TSNARE1: variants seen among roughly 807,000 people sequenced by gnomAD.
The protein encoded by TSNARE1 is t-SNARE domain containing 1, also known as t-SNARE domain-containing protein 1.
TSNARE1 carries 49 observed loss-of-function variants against 62.0 expected under a neutral mutation model. That is an observed-to-expected ratio of 0.79 (90% CI 0.63 to 1.00). The LOEUF is 1.00. Ranked by LOEUF, TSNARE1 falls within the 50% of genes least tolerant of loss-of-function variation. The probability of loss-of-function intolerance (pLI) is 0.00; values close to 1 mark genes in which losing one functional copy is unlikely to be tolerated. For synonymous variants in TSNARE1, 328 were observed against 294.4 expected (o/e 1.11, Z -1.17); for missense variants, 755 against 700.1 (o/e 1.08, Z -0.88).
intron 4 of TSNARE1, among the ~76,000 whole-genome samples, 164 bp from the exon 5 acceptor site, chr8:142,331,995 G>C (rs142620268): frequency 6.6e-6 from 1 of 152,346 alleles, no homozygotes; most frequent in East Asian, 1.9e-4. Flanking sequence ...CCTGGAGTCA[G>C]TGCTGGACAC....
intron 1 of TSNARE1, chr8:142,365,965 T>A: frequency 2.3e-6 from 1 of 443,774 alleles, no homozygotes; most frequent in Non-Finnish European, 4.5e-6. Flanking sequence ...CTGATGGTTT[T>A]GTAGAGGAAT....
chr8:142,379,197 T>C (rs1323480841), intron 1 of TSNARE1, among the ~76,000 whole-genome samples: 2 of 152,162 alleles, frequency 1.3e-5, no homozygotes, highest in Non-Finnish European at 2.9e-5. Flanking sequence ...TCCTCATCTG[T>C]ATAGTGGGCA....
intron 12 of TSNARE1, among the ~76,000 whole-genome samples, chr8:142,255,686 TCACCATCACCAC>T (rs1818437247): frequency 4.9e-5 from 1 of 20,236 alleles, no homozygotes; most frequent in African/African-American, 1.3e-4. Context: ...ACCACCACCA[TCACCATCACCAC>T]CACCATCACC....
chr8:142,353,416 G>C (rs192717839), intron 2 of TSNARE1, among the ~76,000 whole-genome samples: 1 of 152,162 alleles, frequency 6.6e-6, no homozygotes, highest in Non-Finnish European at 1.5e-5. Context: ...AGGCCAGCCC[G>C]GCACTCCCAG....
At chr8:142,271,571 G>T (rs1819551919) in intron 12 of TSNARE1, 1 of 1,410,874 alleles carries the variant, frequency 7.1e-7, no homozygotes. Flanking sequence ...TGGGGAGGGT[G>T]AGGAGGTGGG....
At chr8:142,269,777 C>T (rs1819362370) in intron 12 of TSNARE1, 3 of 985,212 alleles carry the variant, frequency 3.0e-6, no homozygotes, top group Non-Finnish European at 2.4e-6. Context: ...CCGCCCAGAA[C>T]CAACAGCAGC....
At chr8:142,271,719 G>T in intron 12 of TSNARE1, 2 of 1,342,224 alleles carry the variant, frequency 1.5e-6, no homozygotes, top group Non-Finnish European at 1.9e-6. Context: ...GAAAATGTCA[G>T]CCTGCACACC....
intron 12 of TSNARE1, among the ~76,000 whole-genome samples, chr8:142,262,281 G>C (rs1818935022): frequency 1.3e-5 from 2 of 152,040 alleles, no homozygotes; most frequent in Admixed American, 6.6e-5. Flanking sequence ...CTATAGATTT[G>C]GGAATTGGCA....
At chr8:142,271,582 T>TGC in intron 12 of TSNARE1, 1 of 1,418,456 alleles carries the variant, frequency 7.0e-7, no homozygotes, top group Non-Finnish European at 9.2e-7. Context: ...AGGAGGTGGG[T>TGC]GCGTGGAAGA....
At chr8:142,338,227 C>T (rs937035956) in intron 4 of TSNARE1, among the ~76,000 whole-genome samples, 2 of 152,260 alleles carry the variant, frequency 1.3e-5, no homozygotes, top group Non-Finnish European at 2.9e-5. Flanking sequence ...GCTGCGTCCC[C>T]CCACGTCTCA....
At chr8:142,250,278 G>A (rs1481680996) in intron 12 of TSNARE1, among the ~76,000 whole-genome samples, 4 of 152,154 alleles carry the variant, frequency 2.6e-5, no homozygotes, top group Non-Finnish European at 5.9e-5. Flanking sequence ...TGGGGGACAT[G>A]GGGGAGCTCT....
chr8:142,366,078 C>A (rs1835530265), intron 1 of TSNARE1: 2 of 345,318 alleles, frequency 5.8e-6, no homozygotes, highest in Non-Finnish European at 5.6e-6. Flanking sequence ...AGGCTGTTGA[C>A]CAGGCTGGAG....
chr8:142,388,746 C>A (rs993276382), intron 1 of TSNARE1, among the ~76,000 whole-genome samples: 1 of 151,730 alleles, frequency 6.6e-6, no homozygotes, highest in African/African-American at 2.4e-5. Flanking sequence ...TTAGTAGAGA[C>A]GGGGTTTTGC....
intron 12 of TSNARE1, among the ~76,000 whole-genome samples, chr8:142,244,482 CAG>C (rs1201264089): frequency 2.6e-5 from 4 of 152,262 alleles, no homozygotes; most frequent in African/African-American, 7.2e-5. Flanking sequence ...CGTCAGTAAA[CAG>C]AGTGATATAC....
intron 11 of TSNARE1, chr8:142,279,868 G>A: frequency 9.7e-7 from 1 of 1,030,770 alleles, no homozygotes; most frequent in Non-Finnish European, 1.2e-6. Flanking sequence ...ACTTGGCAGG[G>A]GCTCCGTGGT....
intron 2 of TSNARE1, among the ~76,000 whole-genome samples, chr8:142,350,057 GCAGGGCTGGGAC>G (rs1833894063): frequency 1.5e-5 from 2 of 134,782 alleles, no homozygotes; most frequent in East Asian, 2.4e-4. Flanking sequence ...ACCAGGGCAG[GCAGGGCTGGGAC>G]CAGGGCAGGC....
chr8:142,393,565 T>A (rs2131395389), intron 1 of TSNARE1, among the ~76,000 whole-genome samples: 1 of 152,294 alleles, frequency 6.6e-6, no homozygotes, highest in East Asian at 1.9e-4. Flanking sequence ...ATAGTTTAAT[T>A]TACAAAAAGA....
intron 10 of TSNARE1, 51 bp from the exon 11 acceptor site, chr8:142,284,536 C>T (rs1822353873): frequency 6.9e-7 from 1 of 1,441,000 alleles, no homozygotes; most frequent in South Asian, 1.2e-5. Context: ...GGGGCAGACA[C>T]CAAGGGCACC....
chr8:142,373,852 G>A (rs1470246503), intron 1 of TSNARE1, among the ~76,000 whole-genome samples: 1 of 152,166 alleles, frequency 6.6e-6, no homozygotes, highest in East Asian at 1.9e-4. Context: ...AGCGGGGAGA[G>A]GGACGGCCAG....
Sources: allele counts gnomAD v4.1 joint callset (sites outside exome capture counted in the v4.1 genomes callset), GRCh38; gene constraint gnomAD v4.1.1; transcripts MANE v1.5; gene names NCBI Gene and HGNC (gene_info 2026-07-23, HGNC 2026-07-21).